MAF: variants seen among roughly 807,000 people sequenced by gnomAD.
The protein encoded by MAF is transcription factor Maf.
Under a neutral mutation model 22.0 loss-of-function variants are expected in MAF, and 10 were observed. The observed-to-expected ratio is 0.45, with a 90% CI of 0.28 to 0.77. The LOEUF is 0.77. Among genes scored for constraint, MAF ranks in the 30% least tolerant of loss-of-function variants. MAF has a pLI of 0.12. For synonymous variants in MAF, 337 were observed against 255.8 expected (o/e 1.32, Z -3.03); for missense variants, 544 against 548.4 (o/e 0.99, Z 0.08).
intron 1 of MAF, chr16:79,596,218 G>C: frequency 9.4e-7 from 1 of 1,060,970 alleles, no homozygotes; most frequent in Non-Finnish European, 1.1e-6. Flanking sequence ...TCCTACCAAG[G>C]GCAATTATGG....
At chr16:79,219,897 G>C in the MAF span, among the ~76,000 whole-genome samples, 1 of 152,148 alleles carries the variant, frequency 6.6e-6, no homozygotes, top group Non-Finnish European at 1.5e-5. Context: ...TGTGATATTG[G>C]TTATATAAAA....
the MAF span, among the ~76,000 whole-genome samples, chr16:79,361,971 T>C: frequency 1.3e-5 from 2 of 152,174 alleles, no homozygotes; most frequent in East Asian, 3.9e-4. Flanking sequence ...CTTTCCCAAA[T>C]TCTGCCAAGA....
At chr16:79,203,037 C>A in the MAF span, 3 of 152,194 alleles carry the variant, frequency 2.0e-5, no homozygotes, top group Non-Finnish European at 4.4e-5. Flanking sequence ...AAAATGCTCA[C>A]TAACACCGAG....
the MAF span, among the ~76,000 whole-genome samples, chr16:79,546,283 A>G: frequency 1.6e-5 from 2 of 128,746 alleles, no homozygotes; most frequent in East Asian, 2.3e-4. Context: ...AATGAAAATC[A>G]AAATCAATAA....
downstream of MAF, among the ~76,000 whole-genome samples, chr16:79,591,131 G>A (rs1374821529): frequency 6.6e-6 from 1 of 152,026 alleles, no homozygotes; most frequent in Non-Finnish European, 1.5e-5. Context: ...GTTCCCTAAC[G>A]GAAAGGACCA....
chr16:79,509,915 G>T, the MAF span, among the ~76,000 whole-genome samples: 4 of 152,150 alleles, frequency 2.6e-5, no homozygotes, highest in East Asian at 7.7e-4. Flanking sequence ...GGGTTGAAAG[G>T]GAATATCAGA....
At chr16:79,572,826 C>A in the MAF span, among the ~76,000 whole-genome samples, 2 of 152,148 alleles carry the variant, frequency 1.3e-5, no homozygotes, top group Non-Finnish European at 2.9e-5. Flanking sequence ...ATCCAAAGTG[C>A]TGTATTGAAT....
the MAF span, among the ~76,000 whole-genome samples, chr16:79,568,944 G>A: frequency 8.5e-5 from 13 of 152,296 alleles, no homozygotes; most frequent in Non-Finnish European, 1.6e-4. Flanking sequence ...CAGATGAGAA[G>A]AACAGATCCA....
chr16:79,541,028 G>C, the MAF span, among the ~76,000 whole-genome samples: 1 of 151,694 alleles, frequency 6.6e-6, no homozygotes, highest in Admixed American at 6.6e-5. Flanking sequence ...ACACTACTAC[G>C]GTTACTACTG....
chr16:79,551,236 G>C, the MAF span, among the ~76,000 whole-genome samples: 1 of 152,002 alleles, frequency 6.6e-6, no homozygotes, highest in South Asian at 2.1e-4. Flanking sequence ...CTCCCCACTG[G>C]AGTCAGACTG....
chr16:79,311,297 C>G, the MAF span, among the ~76,000 whole-genome samples: 6 of 152,188 alleles, frequency 3.9e-5, no homozygotes, highest in Admixed American at 3.3e-4. Context: ...TGAGTTTGCA[C>G]CTTCTGGCTC....
the MAF span, among the ~76,000 whole-genome samples, chr16:79,572,447 A>G: frequency 6.6e-6 from 1 of 152,224 alleles, no homozygotes. Flanking sequence ...GCCACAGCTC[A>G]ATGAACAATA....
chr16:79,459,707 G>T, the MAF span, among the ~76,000 whole-genome samples: 2 of 151,852 alleles, frequency 1.3e-5, no homozygotes, highest in African/African-American at 4.8e-5. Flanking sequence ...CGACTAGCTG[G>T]GACTACAGGT....
the MAF span, among the ~76,000 whole-genome samples, chr16:79,208,682 G>A: frequency 1.3e-5 from 2 of 151,602 alleles, no homozygotes; most frequent in African/African-American, 4.9e-5. Context: ...GGCAGTACCT[G>A]CTTGTTTACT....
At chr16:79,203,320 T>C in the MAF span, 4 of 152,200 alleles carry the variant, frequency 2.6e-5, no homozygotes, top group Admixed American at 6.5e-5. Flanking sequence ...GTGAGCTCTG[T>C]ATGGAAATCC....
chr16:79,594,077 C>A lies in MAF; in HGVS notation c.*383G>T. The A allele has an allele frequency of 4.1e-6, 1 of 241,984 alleles. No homozygotes were observed. The highest frequency in any genetic ancestry group is 8.2e-6 in the Non-Finnish European group (1 of 122,272). The allele number at this position is 241,984 out of a possible 1,614,324, so 15.0% of individuals were successfully genotyped here. A position where few individuals can be genotyped will look rare whatever the true frequency, so the allele number is the denominator to read the frequency against. On this transcript the variant is annotated 3_prime_UTR_variant, in exon 2 of 2. Coordinates refer to ENST00000326043, the MANE Select transcript of MAF (RefSeq NM_005360.5). ...AGAAACAATGAAGCATGAAAAAGTACTATTTAGAATGTGCATGCCTATATA... is the reference window on the plus strand; with the variant it reads ...AGAAACAATGAAGCATGAAAAAGTAATATTTAGAATGTGCATGCCTATATA...
At chr16:79,531,921 G>C in the MAF span, among the ~76,000 whole-genome samples, 283 of 152,208 alleles carry the variant, frequency 1.9e-3, 1 homozygote, top group Middle Eastern at 6.8e-3. Context: ...ACTGTGCTTA[G>C]TGGTCCAAAG....
At chr16:79,565,382 C>A in the MAF span, among the ~76,000 whole-genome samples, 1 of 152,178 alleles carries the variant, frequency 6.6e-6, no homozygotes, top group East Asian at 1.9e-4. Context: ...CAGAAAAGGT[C>A]TGCTGACCTG....
At chr16:79,233,581 G>A in the MAF span, among the ~76,000 whole-genome samples, 1 of 152,134 alleles carries the variant, frequency 6.6e-6, no homozygotes, top group Non-Finnish European at 1.5e-5. Flanking sequence ...CACAAGTACT[G>A]TGGGAACAGA....
Sources: allele counts gnomAD v4.1 joint callset (sites outside exome capture counted in the v4.1 genomes callset), GRCh38; gene constraint gnomAD v4.1.1; transcripts MANE v1.5; gene names NCBI Gene and HGNC (gene_info 2026-07-23, HGNC 2026-07-21).